Variants in STX7 observed in about 807,000 individuals in gnomAD.
STX7 encodes the protein syntaxin-7.
In STX7, 34 loss-of-function variants were observed where a neutral mutation model predicts 39.6. The observed-to-expected ratio is 0.86, with a 90% CI of 0.65 to 1.14. STX7 has a LOEUF of 1.14. Among genes scored for constraint, STX7 ranks in the 50% most tolerant of loss-of-function variants. The probability of loss-of-function intolerance (pLI) is 0.00; values close to 1 mark genes in which losing one functional copy is unlikely to be tolerated. For synonymous variants in STX7, 119 were observed against 99.1 expected (o/e 1.20, Z -1.19); for missense variants, 284 against 310.4 (o/e 0.92, Z 0.64).
In STX7 at chr6:132,472,315, C is replaced by T. The variant is rs1321071342; in HGVS notation, c.216G>A (p.Glu72=). Residue 72 remains glutamate, a synonymous_variant, in exon 4 of 10, where the codon GAG becomes GAA. Coordinates refer to ENST00000367941, the MANE Select transcript of STX7 (RefSeq NM_003569.3). ...LAKETDKYIK[E]FGSLPTTPSE... ...TGGGGGTGGTGGGCAGAGATCCAAA[C>T]TCTTTAATGTACTTATCTGTTTCTT... The T allele has an allele frequency of 4.3e-6, 7 of 1,613,416 alleles. No homozygotes were observed. Among genetic ancestry groups the T allele is most frequent in the Non-Finnish European group, 5.1e-6 (6 of 1,179,836 alleles).
intron 9 of STX7, 72 bp downstream of exon 9, chr6:132,463,921 T>C (rs1774487919): frequency 1.4e-6 from 2 of 1,420,746 alleles, no homozygotes; most frequent in Non-Finnish European, 2.0e-6. Context: ...TCTCCCTGCT[T>C]CCTCAACACA....
chr6:132,464,787 GTCA>G (rs1252531562), intron 8 of STX7, among the ~76,000 whole-genome samples: 1 of 152,116 alleles, frequency 6.6e-6, no homozygotes, highest in Non-Finnish European at 1.5e-5. Context: ...TTACTCTGTG[GTCA>G]TCAACATACT....
chr6:132,471,151 A>T (rs1010759085), intron 5 of STX7, among the ~76,000 whole-genome samples: 2 of 152,196 alleles, frequency 1.3e-5, no homozygotes, highest in African/African-American at 4.8e-5. Context: ...ACAAGCAGAA[A>T]GCCTCAGTAC....
At chr6:132,468,549 A>C in intron 7 of STX7, 74 bp from the exon 8 acceptor site, 1 of 1,059,116 alleles carries the variant, frequency 9.4e-7, no homozygotes, top group Non-Finnish European at 1.4e-6. Flanking sequence ...AATTTTAAAA[A>C]CCCAAACCAC....
intron 2 of STX7, among the ~76,000 whole-genome samples, chr6:132,477,094 A>T (rs1036624271): frequency 5.3e-5 from 8 of 152,178 alleles, no homozygotes; most frequent in Admixed American, 2.6e-4. Flanking sequence ...GTGAAAGCTG[A>T]AAAACAGAAA....
chr6:132,461,950 T>C (rs1774417831), intron 9 of STX7: 2 of 1,228,686 alleles, frequency 1.6e-6, no homozygotes, highest in Non-Finnish European at 2.3e-6. Context: ...AGTCTGAAAT[T>C]ACACTGAAAA....
chr6:132,484,241 A>T (rs2114419330), intron 2 of STX7, among the ~76,000 whole-genome samples: 1 of 152,330 alleles, frequency 6.6e-6, no homozygotes, highest in Admixed American at 6.5e-5. Flanking sequence ...CATTTCCTAC[A>T]CATCCGAAAA....
intron 2 of STX7, among the ~76,000 whole-genome samples, chr6:132,500,876 T>G (rs1775542235): frequency 6.6e-6 from 1 of 152,202 alleles, no homozygotes; most frequent in Admixed American, 6.5e-5. Context: ...CAATTCTACC[T>G]TAACAACTTG....
intron 2 of STX7, among the ~76,000 whole-genome samples, chr6:132,476,745 A>G (rs1774885974): frequency 6.6e-6 from 1 of 152,198 alleles, no homozygotes; most frequent in African/African-American, 2.4e-5. Flanking sequence ...CCAGGGCTTA[A>G]AAGTCATGTT....
At chr6:132,494,326 C>T (rs1018358766) in intron 2 of STX7, among the ~76,000 whole-genome samples, 3 of 151,900 alleles carry the variant, frequency 2.0e-5, no homozygotes, top group Non-Finnish European at 4.4e-5. Context: ...ACTTCTGTAG[C>T]CAAGACATGA....
chr6:132,450,396 GGTTA>G lies in STX7; in HGVS notation c.*10358_*10361del, dbSNP rs2114316799. 6.6e-6 allele frequency: 1 copy of G among 151,884 alleles called. No homozygotes were observed. Among genetic ancestry groups the G allele is most frequent in the South Asian group, 2.1e-4 (1 of 4,800 alleles). The allele number at this position is 151,884 out of a possible 1,614,324, so 9.4% of individuals were successfully genotyped here. ...TCTTATTATTTTAAAATCTATGTTTGGTTATTTATCTGTACTTTCATTCCTAAAT... is the reference window on the plus strand; with the variant it reads ...TCTTATTATTTTAAAATCTATGTTTGTTTATCTGTACTTTCATTCCTAAAT... On this transcript the variant is annotated 3_prime_UTR_variant, in exon 10 of 10. Coordinates refer to ENST00000367941, the MANE Select transcript of STX7 (RefSeq NM_003569.3).
chr6:132,480,085 C>T (rs187753377), intron 2 of STX7, among the ~76,000 whole-genome samples: 52 of 152,276 alleles, frequency 3.4e-4, no homozygotes, highest in Non-Finnish European at 6.0e-4. Context: ...CCCACTCCCC[C>T]GACCCCATGC....
intron 2 of STX7, among the ~76,000 whole-genome samples, chr6:132,478,423 A>G (rs1298331507): frequency 6.6e-6 from 1 of 152,126 alleles, no homozygotes; most frequent in African/African-American, 2.4e-5. Context: ...GAACAGATAT[A>G]CTGAGCAACC....
intron 2 of STX7, among the ~76,000 whole-genome samples, chr6:132,489,816 C>A (rs1034615057): frequency 9.2e-5 from 14 of 152,068 alleles, no homozygotes; most frequent in African/African-American, 3.4e-4. Flanking sequence ...GTTCTCTTCC[C>A]GGATACTTTA....
At chr6:132,498,691 TC>T (rs1346857196) in intron 2 of STX7, among the ~76,000 whole-genome samples, 1 of 152,212 alleles carries the variant, frequency 6.6e-6, no homozygotes, top group Non-Finnish European at 1.5e-5. Flanking sequence ...ATCATTTTAT[TC>T]AATCGCACCC....
Position 132,495,574 on chromosome 6 carries a change from T to C in STX7, c.85+7872A>G, listed in dbSNP as rs76105380. Among the ~76,000 whole-genome samples, 198 of 152,212 alleles carry C rather than the reference T, an allele frequency of 1.3e-3. 1 individual carries two copies. Among genetic ancestry groups the C allele is most frequent in the Non-Finnish European group, 2.5e-3 (172 of 68,008 alleles). On this transcript the variant is annotated intron_variant, in intron 2 of 9. Transcript: ENST00000367941. ...GAAACATTCTTAATTCCTGAGTAAATATATGGTTCCAGTAAATTCATTAAT... is the reference window on the plus strand; with the variant it reads ...GAAACATTCTTAATTCCTGAGTAAACATATGGTTCCAGTAAATTCATTAAT...
chr6:132,470,157 G>C, intron 6 of STX7, 110 bp from the exon 7 acceptor site: 1 of 737,248 alleles, frequency 1.4e-6, no homozygotes, highest in Non-Finnish European at 2.0e-6. Context: ...ATTCTCCAAA[G>C]TCACAGAACT....
intron 8 of STX7, among the ~76,000 whole-genome samples, chr6:132,464,835 T>TGAAGC (rs1283564289): frequency 6.6e-6 from 1 of 152,132 alleles, no homozygotes; most frequent in South Asian, 2.1e-4. Flanking sequence ...CGAGGGCCCA[T>TGAAGC]GAAGCCTTCT....
chr6:132,466,303 C>T (rs772299648), intron 8 of STX7, among the ~76,000 whole-genome samples: 14 of 152,264 alleles, frequency 9.2e-5, no homozygotes, highest in Non-Finnish European at 1.5e-4. Flanking sequence ...CCTTCTAGGA[C>T]GATGCATTCA....
Sources: allele counts gnomAD v4.1 joint callset (sites outside exome capture counted in the v4.1 genomes callset), GRCh38; gene constraint gnomAD v4.1.1; transcripts MANE v1.5; gene names NCBI Gene and HGNC (gene_info 2026-07-23, HGNC 2026-07-21).